Variants in ENOX1 observed in about 807,000 individuals in gnomAD.
ENOX1 encodes ecto-NOX disulfide-thiol exchanger 1.
A neutral mutation model predicts 82.5 loss-of-function variants in ENOX1; 42 were observed. The ratio of observed to expected loss-of-function variants is 0.51; its 90% CI spans 0.40 to 0.66. The LOEUF (loss-of-function observed/expected upper bound fraction) is 0.66, where lower values mean the gene tolerates loss of function less well. Among genes scored for constraint, ENOX1 ranks in the 30% least tolerant of loss-of-function variants. ENOX1 has a pLI of 0.00. For synonymous variants in ENOX1, 271 were observed against 282.2 expected, an observed-to-expected ratio of 0.96 and a Z score of 0.40; for missense variants, 608 against 811.6, an observed-to-expected ratio of 0.75 and a Z score of 3.05.
chr13:43,640,435 A>G (rs1002693784), intron 2 of ENOX1, among the ~76,000 whole-genome samples: 1 of 152,182 alleles, frequency 6.6e-6, no homozygotes, highest in African/African-American at 2.4e-5. Flanking sequence ...CCAGCAATCC[A>G]TGGTGTATCA....
intron 16 of ENOX1, among the ~76,000 whole-genome samples, chr13:43,220,024 T>G (rs985697697): frequency 2.0e-5 from 3 of 151,680 alleles, no homozygotes; most frequent in Admixed American, 6.6e-5. Flanking sequence ...CACAGACACC[T>G]CACAACAAAT....
At chr13:43,627,983 T>C (rs1385565456) in intron 2 of ENOX1, among the ~76,000 whole-genome samples, 1 of 152,136 alleles carries the variant, frequency 6.6e-6, no homozygotes, top group Non-Finnish European at 1.5e-5. Context: ...GCTGTCCTTC[T>C]AATTGATTTT....
chr13:43,646,851 C>T (rs575623388), intron 2 of ENOX1, among the ~76,000 whole-genome samples: 81 of 152,132 alleles, frequency 5.3e-4, no homozygotes, highest in Non-Finnish European at 9.3e-4. Context: ...TTACAGAGCA[C>T]GTCTCAATAA....
chr13:43,338,686 T>A (rs113015915), intron 9 of ENOX1, among the ~76,000 whole-genome samples: 6 of 134,346 alleles, frequency 4.5e-5, no homozygotes, highest in Non-Finnish European at 8.0e-5. Context: ...GTTTTTTTTT[T>A]TTTTTTTTTT....
At chr13:43,670,063 G>A (rs1444061613) in intron 1 of ENOX1, among the ~76,000 whole-genome samples, 1 of 152,002 alleles carries the variant, frequency 6.6e-6, no homozygotes, top group Non-Finnish European at 1.5e-5. Flanking sequence ...ACTGAAACAC[G>A]CTTCATTACC....
chr13:43,481,404 CA>C, intron 3 of ENOX1, among the ~76,000 whole-genome samples: 1 of 152,034 alleles, frequency 6.6e-6, no homozygotes, highest in Admixed American at 6.5e-5. Context: ...CAAGACTCCA[CA>C]AAAGTGTAAG....
intron 2 of ENOX1, among the ~76,000 whole-genome samples, chr13:43,616,173 T>TATAGATAG (rs1566641952): frequency 0.21 from 1,424 of 6,668 alleles, 274 homozygotes; most frequent in East Asian, 0.55. Flanking sequence ...TATCTATCTA[T>TATAGATAG]CTATCTATCT....
intron 1 of ENOX1, among the ~76,000 whole-genome samples, chr13:43,705,539 T>G (rs73188061): frequency 0.044 from 6,650 of 151,880 alleles, 208 homozygotes; most frequent in Non-Finnish European, 0.069. Flanking sequence ...TATATAAATA[T>G]CAAACAAAGT....
chr13:43,230,594 C>A (rs553483767), intron 15 of ENOX1, among the ~76,000 whole-genome samples: 17 of 152,086 alleles, frequency 1.1e-4, no homozygotes, highest in Admixed American at 6.6e-5. Context: ...TCTAATCAAA[C>A]TTCCTAATTT....
intron 2 of ENOX1, among the ~76,000 whole-genome samples, chr13:43,490,042 G>A (rs1440313381): frequency 6.6e-6 from 1 of 152,066 alleles, no homozygotes; most frequent in Admixed American, 6.6e-5. Context: ...GGGTTCAAGC[G>A]ATTCTCCTGC....
At chr13:43,438,237 T>A (rs1327785773) in intron 3 of ENOX1, among the ~76,000 whole-genome samples, 1 of 152,074 alleles carries the variant, frequency 6.6e-6, no homozygotes, top group Non-Finnish European at 1.5e-5. Flanking sequence ...GAGCAATAAT[T>A]CTTAGAGAAG....
At chr13:43,670,497 A>G (rs2085206213) in intron 1 of ENOX1, among the ~76,000 whole-genome samples, 1 of 152,158 alleles carries the variant, frequency 6.6e-6, no homozygotes, top group African/African-American at 2.4e-5. Context: ...TGAATGAGTT[A>G]ACTAGTCAAA....
chr13:43,383,220 A>AT (rs1288195195), intron 5 of ENOX1, among the ~76,000 whole-genome samples: 3 of 152,188 alleles, frequency 2.0e-5, no homozygotes, highest in Admixed American at 1.3e-4. Flanking sequence ...CCAAAATAAG[A>AT]TAAAAACTTG....
At chr13:43,272,078 T>G (rs1234912520) in intron 12 of ENOX1, among the ~76,000 whole-genome samples, 2 of 152,162 alleles carry the variant, frequency 1.3e-5, no homozygotes, top group African/African-American at 4.8e-5. Context: ...TCCCTTGAGA[T>G]TTTACTGAGC....
Position 43,265,448 on chromosome 13 carries a change from C to T in ENOX1, c.1561G>A (p.Gly521Ser). 3 of 1,610,938 alleles carry T rather than the reference C, an allele frequency of 1.9e-6. No homozygotes were observed. The highest frequency in any genetic ancestry group is 2.5e-6 in the Non-Finnish European group (3 of 1,178,438). ...TTGGTCTCGACCAATTCCTTGGTAC[C>T]TTTTAACTGCAAATTTTAAGGAAAA... Reference protein sequence around the residue: ...LLKVLQEQLKGTKELVETNGH... With the variant: ...LLKVLQEQLKSTKELVETNGH... Residue 521 changes from glycine to serine, a missense_variant, in exon 14 of 17, where the codon GGT (glycine) becomes AGT (serine). Transcript: ENST00000690772.
intron 2 of ENOX1, among the ~76,000 whole-genome samples, chr13:43,568,286 G>A (rs924660466): frequency 1.3e-5 from 2 of 152,114 alleles, no homozygotes; most frequent in Non-Finnish European, 2.9e-5. Flanking sequence ...AACCTCTTAA[G>A]CAGTTGACAG....
In ENOX1 at chr13:43,714,088, C is replaced by T. The variant is rs976920196; in HGVS notation, c.-284-46544G>A. 2.3e-3 allele frequency among the ~76,000 whole-genome samples: 340 copies of T among 146,390 alleles called. 4 individuals are homozygous for T. The East Asian group carries it at 0.031, about 13-fold the overall frequency. On this transcript the variant is annotated intron_variant, in intron 1 of 16. Transcript: ENST00000690772. ...TTCCCTCTACACACTGCTTTGAATG[C>T]GTCCCAGAGATTCTGGTATGTTGTG...
intron 2 of ENOX1, among the ~76,000 whole-genome samples, chr13:43,539,809 T>A (rs2078631175): frequency 1.3e-5 from 2 of 152,206 alleles, no homozygotes; most frequent in Non-Finnish European, 2.9e-5. Context: ...CTTAGTTCTG[T>A]CAATCTTTGA....
chr13:43,656,742 C>T (rs1014062363), intron 2 of ENOX1, among the ~76,000 whole-genome samples: 6 of 152,154 alleles, frequency 3.9e-5, no homozygotes, highest in African/African-American at 7.2e-5. Flanking sequence ...AAATAGACCA[C>T]GCTGTCAGTA....
Sources: allele counts gnomAD v4.1 joint callset (sites outside exome capture counted in the v4.1 genomes callset), GRCh38; gene constraint gnomAD v4.1.1; transcripts MANE v1.5; gene names NCBI Gene and HGNC (gene_info 2026-07-23, HGNC 2026-07-21).